NIPBL: variants seen among roughly 807,000 people sequenced by gnomAD.
The protein encoded by NIPBL is nipped-B-like protein.
A neutral mutation model predicts 321.8 loss-of-function variants in NIPBL; 19 were observed. That is an observed-to-expected ratio of 0.06 (90% confidence interval 0.04 to 0.09). The LOEUF is 0.09. NIPBL is among the 10% of genes least tolerant of loss of function. The pLI is 1.00. For synonymous variants in NIPBL, 1,106 were observed against 1,114.1 expected, an observed-to-expected ratio of 0.99 and a Z score of 0.14; for missense variants, 2,210 against 3,327.0, an observed-to-expected ratio of 0.66 and a Z score of 8.26.
intron 32 of NIPBL, among the ~76,000 whole-genome samples, chr5:37,029,694 T>C (rs1415564700): frequency 6.6e-6 from 1 of 152,232 alleles, no homozygotes; most frequent in East Asian, 1.9e-4. Context: ...TTCCGGTTGC[T>C]CCACATCCTC....
intron 32 of NIPBL, among the ~76,000 whole-genome samples, chr5:37,035,062 G>A (rs1448483141): frequency 2.0e-5 from 3 of 152,224 alleles, no homozygotes; most frequent in African/African-American, 4.8e-5. Context: ...GGCTAAGGCA[G>A]GCGGATCACT....
At chr5:37,019,826 G>C (rs377616411) in intron 25 of NIPBL, among the ~76,000 whole-genome samples, 23 of 152,164 alleles carry the variant, frequency 1.5e-4, no homozygotes, top group African/African-American at 5.5e-4. Flanking sequence ...CAAAATATTA[G>C]TATAAGAGGT....
chr5:36,886,761 C>T (rs1232866357), intron 1 of NIPBL, among the ~76,000 whole-genome samples: 1 of 151,578 alleles, frequency 6.6e-6, no homozygotes, highest in African/African-American at 2.4e-5. Context: ...CCCATGTATC[C>T]CTTTGTAATC....
chr5:36,964,302 A>T (rs1451400393), intron 6 of NIPBL, among the ~76,000 whole-genome samples: 1 of 152,168 alleles, frequency 6.6e-6, no homozygotes, highest in Non-Finnish European at 1.5e-5. Context: ...AGCAATCCTG[A>T]GGAAAAAGAA....
At chr5:36,920,627 G>A (rs1182309630) in intron 1 of NIPBL, among the ~76,000 whole-genome samples, 1 of 152,032 alleles carries the variant, frequency 6.6e-6, no homozygotes, top group African/African-American at 2.4e-5. Context: ...GGCATATTAT[G>A]TTCTTTGCTA....
chr5:36,962,533 G>C (rs1741743595), intron 6 of NIPBL, among the ~76,000 whole-genome samples: 1 of 152,056 alleles, frequency 6.6e-6, no homozygotes, highest in African/African-American at 2.4e-5. Flanking sequence ...AGTATATTTA[G>C]GTGTGAAATT....
chr5:36,942,456 A>AAAAAC, intron 1 of NIPBL, among the ~76,000 whole-genome samples: 1 of 144,350 alleles, frequency 6.9e-6, no homozygotes, highest in Non-Finnish European at 1.5e-5. Context: ...AAAAAAAAAA[A>AAAAAC]AGGCCAGGTG....
At chr5:37,041,252 G>GGTTTTTTTTTT (rs1752313760) in intron 34 of NIPBL, among the ~76,000 whole-genome samples, 1 of 64,006 alleles carries the variant, frequency 1.6e-5, no homozygotes, top group African/African-American at 9.2e-5. Context: ...TTATGTGGTG[G>GGTTTTTTTTTT]TTTTTTTTTT....
chr5:36,890,558 C>A (rs1396551454), intron 1 of NIPBL, among the ~76,000 whole-genome samples: 1 of 152,128 alleles, frequency 6.6e-6, no homozygotes, highest in Non-Finnish European at 1.5e-5. Flanking sequence ...TGATGATAAA[C>A]AGTTGTGGCT....
chr5:37,019,496 G>A lies in NIPBL; in HGVS notation c.5010+96G>A, dbSNP rs1333803701. On this transcript the variant is annotated intron_variant, in intron 25 of 46. Transcript: ENST00000282516. ...TAGCATGATGAAGAGGAAAACTTAA[G>A]TTGTTTGGAATATTGATTTTCAAAA... is the stretch of plus-strand genomic sequence containing the variant. 1.4e-5 allele frequency: 12 copies of A among 840,308 alleles called. No homozygotes were observed. In the South Asian group the frequency reaches 1.5e-4, roughly 11 times the overall value. The allele number at this position is 840,308 out of a possible 1,614,324, so 52.1% of individuals were successfully genotyped here.
chr5:37,006,472 C>T lies in NIPBL; in HGVS notation c.3971C>T (p.Pro1324Leu). Residue 1324 changes from proline (P) to leucine (L), a missense_variant, in exon 17 of 47, where the codon CCA (proline) becomes CTA (leucine). Physicochemically the swap from Pro to Leu is moderately conservative, Grantham distance 98 (BLOSUM62 -3). Transcript: ENST00000282516. Reference protein sequence around the residue: ...TINIMTSPNMPKAVYIEDVIE... With the variant: ...TINIMTSPNMLKAVYIEDVIE... ...AACATTATGACATCCCCTAACATGC[C>T]AAAAGCTGTGTACATTGAGGATGTA... The T allele has an allele frequency of 6.2e-7, 1 of 1,612,086 alleles. No individual in the cohort carries two copies. The highest frequency in any genetic ancestry group is 8.5e-7 in the Non-Finnish European group (1 of 1,178,406).
intron 33 of NIPBL, among the ~76,000 whole-genome samples, chr5:37,037,411 A>G (rs149321503): frequency 0.035 from 4,997 of 144,066 alleles, 262 homozygotes; most frequent in African/African-American, 0.12. Flanking sequence ...ATATATATGT[A>G]TATATATATA....
Position 36,955,682 on chromosome 5 carries a change from G to C in NIPBL, c.230+45G>C, listed in dbSNP as rs112898830. 7 of 1,531,200 alleles carry C rather than the reference G, an allele frequency of 4.6e-6. No individual in the cohort carries two copies. In the East Asian group the frequency reaches 1.6e-4, roughly 35 times the overall value. The allele number at this position is 1,531,200 out of a possible 1,614,324, so 94.9% of individuals were successfully genotyped here. On this transcript the variant is annotated intron_variant, in intron 3 of 46. Coordinates refer to ENST00000282516, the MANE Select transcript of NIPBL (RefSeq NM_133433.4). Reference sequence around the variant, plus strand: ...TATCTACTATAAGTGAAAAGTTTTGGCCTTACTAAGAGAATCCGTATTCCT... The same window carrying C: ...TATCTACTATAAGTGAAAAGTTTTGCCCTTACTAAGAGAATCCGTATTCCT...
At chr5:37,003,102 C>T (rs770079352) in intron 15 of NIPBL, among the ~76,000 whole-genome samples, 159 bp from the exon 16 acceptor site, 23 of 151,298 alleles carry the variant, frequency 1.5e-4, no homozygotes, top group Non-Finnish European at 2.8e-4. Flanking sequence ...CATTTAGGGT[C>T]GTTGAGTAGA....
intron 37 of NIPBL, 137 bp from the exon 38 acceptor site, chr5:37,045,968 AAAAT>A (rs1752938710): frequency 3.2e-6 from 2 of 618,852 alleles, no homozygotes; most frequent in African/African-American, 3.7e-5. Context: ...CCACTGTTCT[AAAAT>A]AAATGGAATT....
At chr5:36,906,475 T>G (rs1747646549) in intron 1 of NIPBL, among the ~76,000 whole-genome samples, 2 of 152,198 alleles carry the variant, frequency 1.3e-5, no homozygotes, top group South Asian at 4.1e-4. Flanking sequence ...AGTCTTTTCA[T>G]TAAGAGTGAT....
chr5:36,952,064 G>A (rs1256337453), intron 1 of NIPBL, among the ~76,000 whole-genome samples: 20 of 134,526 alleles, frequency 1.5e-4, no homozygotes, highest in East Asian at 4.1e-4. Flanking sequence ...GCGCGCGCGC[G>A]CGCGCGCGCA....
chr5:36,952,053 T>TGTGTGTGTGTGTGTGCGCGCGC (rs778597604), intron 1 of NIPBL, among the ~76,000 whole-genome samples: 18 of 112,104 alleles, frequency 1.6e-4, no homozygotes, highest in South Asian at 7.6e-4. Context: ...TGTGTGTGTG[T>TGTGTGTGTGTGTGTGCGCGCGC]GCGCGCGCGC....
intron 10 of NIPBL, among the ~76,000 whole-genome samples, chr5:36,988,224 C>T (rs1580405220): frequency 6.6e-6 from 1 of 152,044 alleles, no homozygotes; most frequent in Non-Finnish European, 1.5e-5. Context: ...TTTTTAGCAC[C>T]AAAATGCGTT....
Sources: gnomAD v4.1 joint callset for allele counts (sites outside exome capture counted in the v4.1 genomes callset) on GRCh38, gnomAD v4.1.1 for gene constraint, MANE v1.5 for transcripts, NCBI Gene and HGNC (gene_info 2026-07-23, HGNC 2026-07-21) for gene names.